STXBP6: variants seen among roughly 807,000 people sequenced by gnomAD.
STXBP6 encodes syntaxin binding protein 6, also known as syntaxin-binding protein 6.
In STXBP6, 21 loss-of-function variants were observed where a neutral mutation model predicts 26.9. The observed-to-expected ratio is 0.78, with a 90% CI of 0.55 to 1.12. The LOEUF (loss-of-function observed/expected upper bound fraction) is 1.12, where lower values mean the gene tolerates loss of function less well. Among genes scored for constraint, STXBP6 ranks in the 50% most tolerant of loss-of-function variants. The probability of loss-of-function intolerance (pLI) is 0.00; values close to 1 mark genes in which losing one functional copy is unlikely to be tolerated. For missense variants in STXBP6, 232 were observed against 257.9 expected (o/e 0.90, Z 0.69); for synonymous variants, 97 against 92.6 (o/e 1.05, Z -0.27).
intron 2 of STXBP6, among the ~76,000 whole-genome samples, chr14:24,926,603 T>C (rs2072180324): frequency 6.6e-6 from 1 of 152,148 alleles, no homozygotes. Context: ...AGCTGGAGAG[T>C]AAATTTGTAA....
intron 2 of STXBP6, among the ~76,000 whole-genome samples, chr14:24,955,570 A>G (rs1378614953): frequency 6.6e-6 from 1 of 152,224 alleles, no homozygotes; most frequent in Non-Finnish European, 1.5e-5. Flanking sequence ...CCCATTAATC[A>G]CTAGCAAGGC....
intron 2 of STXBP6, 133 bp from the exon 3 acceptor site, chr14:24,857,290 GAAT>G (rs565724701): frequency 1.5e-4 from 181 of 1,172,436 alleles, no homozygotes; most frequent in Non-Finnish European, 2.0e-4. Context: ...GGAAAGGAGG[GAAT>G]ATGAATAAAT....
At chr14:24,925,117 G>A (rs892176372) in intron 2 of STXBP6, among the ~76,000 whole-genome samples, 3 of 152,084 alleles carry the variant, frequency 2.0e-5, no homozygotes, top group Admixed American at 2.0e-4. Context: ...AAGATATATG[G>A]GTGAGACTTC....
At chr14:24,843,188 A>C (rs1174249049) in intron 4 of STXBP6, among the ~76,000 whole-genome samples, 1 of 152,214 alleles carries the variant, frequency 6.6e-6, no homozygotes, top group Admixed American at 6.5e-5. Context: ...TACTTTTTGT[A>C]GTTAAATGTA....
chr14:24,879,847 C>G (rs1382176194), intron 2 of STXBP6, among the ~76,000 whole-genome samples: 1 of 152,120 alleles, frequency 6.6e-6, no homozygotes, highest in Non-Finnish European at 1.5e-5. Flanking sequence ...TAGGGCAGCT[C>G]CTGAGGGGCA....
At chr14:24,987,526 C>T (rs949096278) in intron 1 of STXBP6, among the ~76,000 whole-genome samples, 6 of 152,240 alleles carry the variant, frequency 3.9e-5, no homozygotes, top group Non-Finnish European at 8.8e-5. Context: ...ATGTCAGCTT[C>T]TTATTTGCAA....
At chr14:24,863,633 A>C (rs1418086417) in intron 2 of STXBP6, among the ~76,000 whole-genome samples, 3 of 152,180 alleles carry the variant, frequency 2.0e-5, no homozygotes, top group African/African-American at 7.2e-5. Context: ...ACCTCTTACA[A>C]CAATCTCTTT....
intron 2 of STXBP6, among the ~76,000 whole-genome samples, chr14:24,892,727 A>T (rs2070837424): frequency 6.6e-6 from 1 of 152,146 alleles, no homozygotes; most frequent in African/African-American, 2.4e-5. Flanking sequence ...TGCTGTTCCC[A>T]CACTGGCTCC....
intron 2 of STXBP6, among the ~76,000 whole-genome samples, chr14:24,932,812 C>T (rs915292115): frequency 3.3e-5 from 5 of 152,064 alleles, no homozygotes; most frequent in African/African-American, 7.2e-5. Flanking sequence ...TTCCTGGCTA[C>T]GCAACTCAAC....
At chr14:24,835,083 A>G (rs151024179) in intron 4 of STXBP6, among the ~76,000 whole-genome samples, 115 of 152,322 alleles carry the variant, frequency 7.5e-4, no homozygotes, top group Non-Finnish European at 1.3e-3. Context: ...AGCAGAGGCA[A>G]TAAGTGCTAC....
At chr14:24,999,713 C>G (rs967077984) in intron 1 of STXBP6, among the ~76,000 whole-genome samples, 50 of 152,090 alleles carry the variant, frequency 3.3e-4, no homozygotes, top group Non-Finnish European at 8.8e-5. Flanking sequence ...AGTTTAAAAA[C>G]AGAGGATTAT....
intron 2 of STXBP6, among the ~76,000 whole-genome samples, chr14:24,953,075 G>C (rs2073225288): frequency 6.6e-6 from 1 of 152,068 alleles, no homozygotes; most frequent in African/African-American, 2.4e-5. Context: ...ACTCCATCTG[G>C]AGGCACTAGG....
intron 2 of STXBP6, among the ~76,000 whole-genome samples, chr14:24,883,596 T>C (rs2070454846): frequency 6.6e-6 from 1 of 152,182 alleles, no homozygotes; most frequent in Admixed American, 6.5e-5. Context: ...AAACCCCTTA[T>C]TTCCTAAAGC....
chr14:24,870,599 C>T (rs188352466), intron 2 of STXBP6, among the ~76,000 whole-genome samples: 40 of 152,292 alleles, frequency 2.6e-4, no homozygotes, highest in African/African-American at 9.1e-4. Context: ...AACTTACAAC[C>T]CATCCTAATA....
rs748311177 is a variant in STXBP6, at chr14:24,812,725, A to G, written c.617T>C (p.Met206Thr). 8.7e-6 allele frequency: 14 copies of G among 1,613,714 alleles called. No homozygotes were observed. Among genetic ancestry groups the G allele is most frequent in the Non-Finnish European group, 8.5e-7 (1 of 1,179,762 alleles). ...GGCAGTTTCTCAACATTTGTGCTTCATGGCAAGCTAAGGAGAGAGAGGAAT... is the reference window on the plus strand; with the variant it reads ...GGCAGTTTCTCAACATTTGTGCTTCGTGGCAAGCTAAGGAGAGAGAGGAAT... ...QFAETAHKLA[M>T]KHKC Residue 206 changes from methionine to threonine, a missense_variant, in exon 6 of 6, where the codon ATG (methionine) becomes ACG (threonine). Coordinates refer to ENST00000323944, the MANE Select transcript of STXBP6 (RefSeq NM_001394410.1).
chr14:24,868,268 GA>G (rs1321024117), intron 2 of STXBP6, among the ~76,000 whole-genome samples: 2 of 152,016 alleles, frequency 1.3e-5, no homozygotes, highest in African/African-American at 4.8e-5. Context: ...CTCAACAAAA[GA>G]AAGCTAAATT....
At chr14:24,939,341 C>T (rs572251716) in intron 2 of STXBP6, among the ~76,000 whole-genome samples, 8 of 152,290 alleles carry the variant, frequency 5.3e-5, no homozygotes, top group Non-Finnish European at 1.0e-4. Flanking sequence ...AACCCTATAT[C>T]TGTTAGGCAA....
intron 1 of STXBP6, among the ~76,000 whole-genome samples, chr14:24,993,475 T>C (rs2074525014): frequency 1.3e-5 from 2 of 152,198 alleles, no homozygotes; most frequent in South Asian, 4.1e-4. Flanking sequence ...GCCATCATCT[T>C]CTGCCTAGAT....
At position 24,957,121 on chromosome 14, in the gene STXBP6, T is replaced by G. The variant is rs975736749; in HGVS notation, c.154+17544A>C. On this transcript the variant is annotated intron_variant, in intron 2 of 5. Transcript: ENST00000323944. ...ATTTACACACCAAGTCCATAAGGTATGAGTTGTCCCCATTGTCTAGGAAAG... is the reference window on the plus strand; with the variant it reads ...ATTTACACACCAAGTCCATAAGGTAGGAGTTGTCCCCATTGTCTAGGAAAG... 2.0e-5 allele frequency among the ~76,000 whole-genome samples: 3 copies of G among 152,160 alleles called. No individual in the cohort carries two copies. The South Asian group carries it at 6.2e-4, about 32-fold the overall frequency.
Sources: allele counts gnomAD v4.1 joint callset (sites outside exome capture counted in the v4.1 genomes callset), GRCh38; gene constraint gnomAD v4.1.1; transcripts MANE v1.5; gene names NCBI Gene and HGNC (gene_info 2026-07-23, HGNC 2026-07-21).